Variants in PCSK2 observed in about 807,000 individuals in gnomAD.
PCSK2 encodes the protein proprotein convertase subtilisin/kexin type 2, also known as neuroendocrine convertase 2.
PCSK2 carries 14 observed loss-of-function variants against 69.7 expected under a neutral mutation model. The ratio of observed to expected loss-of-function variants is 0.20; its 90% CI spans 0.13 to 0.31. The LOEUF is 0.31. Ranked by LOEUF, PCSK2 falls within the 10% of genes least tolerant of loss-of-function variation. PCSK2 has a pLI of 1.00. For missense variants in PCSK2, 544 were observed against 842.5 expected (o/e 0.65, Z 4.39); for synonymous variants, 307 against 320.7 (o/e 0.96, Z 0.46).
chr20:17,342,725 C>A (rs1253046610), intron 2 of PCSK2, among the ~76,000 whole-genome samples: 1 of 152,066 alleles, frequency 6.6e-6, no homozygotes, highest in Non-Finnish European at 1.5e-5. Context: ...CCTTGACCTC[C>A]TGGGCTCTAG....
At chr20:17,241,583 C>T (rs1190351608) in intron 1 of PCSK2, among the ~76,000 whole-genome samples, 1 of 152,150 alleles carries the variant, frequency 6.6e-6, no homozygotes, top group African/African-American at 2.4e-5. Context: ...TAGATGATGC[C>T]ACTAGGAAGT....
intron 2 of PCSK2, among the ~76,000 whole-genome samples, chr20:17,339,698 T>C (rs1317838717): frequency 6.6e-6 from 1 of 152,158 alleles, no homozygotes; most frequent in African/African-American, 2.4e-5. Flanking sequence ...ATTTGTTTGT[T>C]TGTTTTCCAG....
chr20:17,332,073 C>T lies in PCSK2; in HGVS notation c.283-26254C>T, dbSNP rs925412531. Among the ~76,000 whole-genome samples, 7 of 152,242 alleles carry T rather than the reference C, an allele frequency of 4.6e-5. No individual in the cohort carries two copies. The South Asian group carries it at 1.0e-3, about 23-fold the overall frequency. ...ACATTTGTTAACTTATTTAATTTCACGAGAATCCTATAAAATTGTGCATCA... is the reference window on the plus strand; with the variant it reads ...ACATTTGTTAACTTATTTAATTTCATGAGAATCCTATAAAATTGTGCATCA... On this transcript the variant is annotated intron_variant, in intron 2 of 11. Transcript: ENST00000262545.
chr20:17,276,261 C>A (rs1191404372), intron 2 of PCSK2, among the ~76,000 whole-genome samples: 1 of 152,058 alleles, frequency 6.6e-6, no homozygotes, highest in Admixed American at 6.6e-5. Context: ...AAAACAGAAG[C>A]ATTTTGCTCC....
intron 6 of PCSK2, among the ~76,000 whole-genome samples, chr20:17,412,865 G>T (rs1478774454): frequency 6.6e-6 from 1 of 152,128 alleles, no homozygotes; most frequent in Non-Finnish European, 1.5e-5. Context: ...GAGGAGAGTG[G>T]GGACCAATAT....
At chr20:17,249,379 C>T (rs938933429) in intron 1 of PCSK2, among the ~76,000 whole-genome samples, 1 of 151,356 alleles carries the variant, frequency 6.6e-6, no homozygotes, top group Non-Finnish European at 1.5e-5. Context: ...TGGTGGTGGG[C>T]GCCTGTAGTC....
intron 2 of PCSK2, among the ~76,000 whole-genome samples, chr20:17,338,648 TAGTG>T (rs1286010365): frequency 6.6e-6 from 1 of 152,170 alleles, no homozygotes; most frequent in Non-Finnish European, 1.5e-5. Context: ...AATAAATACT[TAGTG>T]AGTTCCTACT....
intron 8 of PCSK2, among the ~76,000 whole-genome samples, chr20:17,445,985 T>A (rs1802795188): frequency 6.6e-6 from 1 of 152,208 alleles, no homozygotes; most frequent in Non-Finnish European, 1.5e-5. Context: ...AAGTCCTACA[T>A]CTCAGGAAAC....
intron 11 of PCSK2, among the ~76,000 whole-genome samples, chr20:17,466,236 C>T (rs955006262): frequency 2.0e-5 from 3 of 152,208 alleles, no homozygotes; most frequent in Non-Finnish European, 2.9e-5. Flanking sequence ...CATATTCTTA[C>T]TTCTAACTCC....
intron 2 of PCSK2, chr20:17,263,114 C>G: frequency 1.0e-6 from 1 of 984,826 alleles, no homozygotes; most frequent in Middle Eastern, 5.2e-4. Flanking sequence ...CCAAGCTCTG[C>G]TAGCAACCCA....
chr20:17,409,185 T>G, intron 5 of PCSK2, 78 bp from the exon 6 acceptor site: 1 of 1,065,308 alleles, frequency 9.4e-7, no homozygotes, highest in Non-Finnish European at 1.5e-6. Context: ...GGACTAGAAA[T>G]GTTTAAAGTC....
At chr20:17,346,120 T>C (rs752491362) in intron 2 of PCSK2, among the ~76,000 whole-genome samples, 5 of 152,162 alleles carry the variant, frequency 3.3e-5, no homozygotes, top group Non-Finnish European at 7.4e-5. Flanking sequence ...CCACCCAGCA[T>C]CCTCCTTCTG....
intron 6 of PCSK2, among the ~76,000 whole-genome samples, chr20:17,412,853 C>T (rs897292310): frequency 1.3e-5 from 2 of 152,210 alleles, no homozygotes; most frequent in Admixed American, 1.3e-4. Context: ...CCCTACAAGC[C>T]AGAGGAGAGT....
At chr20:17,440,620 G>T (rs2032575512) in intron 8 of PCSK2, among the ~76,000 whole-genome samples, 1 of 152,154 alleles carries the variant, frequency 6.6e-6, no homozygotes, top group Admixed American at 6.5e-5. Flanking sequence ...CAACACTTTG[G>T]GGGGCTAAGG....
intron 10 of PCSK2, among the ~76,000 whole-genome samples, chr20:17,459,789 G>C (rs1464854778): frequency 6.6e-6 from 1 of 152,174 alleles, no homozygotes; most frequent in East Asian, 1.9e-4. Context: ...TTCAATGCCT[G>C]TTCCCCGGGA....
At chr20:17,340,737 G>T (rs1170968248) in intron 2 of PCSK2, among the ~76,000 whole-genome samples, 1 of 152,150 alleles carries the variant, frequency 6.6e-6, no homozygotes, top group African/African-American at 2.4e-5. Context: ...TGAATCTTCA[G>T]CAGAATGTTC....
chr20:17,341,263 T>C (rs1206917964), intron 2 of PCSK2, among the ~76,000 whole-genome samples: 2 of 152,172 alleles, frequency 1.3e-5, no homozygotes, highest in East Asian at 1.9e-4. Flanking sequence ...AAATAAAAGA[T>C]TGCAGGGTTT....
intron 1 of PCSK2, among the ~76,000 whole-genome samples, chr20:17,251,466 G>T (rs1986976288): frequency 6.6e-6 from 1 of 152,142 alleles, no homozygotes; most frequent in Non-Finnish European, 1.5e-5. Context: ...GGTTAAGTTG[G>T]CTATGCCTTG....
intron 1 of PCSK2, among the ~76,000 whole-genome samples, chr20:17,236,478 G>A (rs1986342621): frequency 6.6e-6 from 1 of 152,060 alleles, no homozygotes; most frequent in Non-Finnish European, 1.5e-5. Context: ...GTAAAATGGG[G>A]AAATTAGCAT....
Sources: allele counts gnomAD v4.1 joint callset (sites outside exome capture counted in the v4.1 genomes callset), GRCh38; gene constraint gnomAD v4.1.1; transcripts MANE v1.5; gene names NCBI Gene and HGNC (gene_info 2026-07-23, HGNC 2026-07-21).